Variants in CUL5 observed in about 807,000 individuals in gnomAD.
CUL5 encodes the protein cullin 5.
Under a neutral mutation model 108.8 loss-of-function variants are expected in CUL5, and 26 were observed. The observed-to-expected ratio is 0.24, with a 90% CI of 0.18 to 0.33. CUL5 has a LOEUF of 0.33. Ranked by LOEUF, CUL5 falls within the 10% of genes least tolerant of loss-of-function variation. The pLI, the probability that CUL5 is intolerant of heterozygous loss-of-function variation, is 1.00. For missense variants in CUL5, 524 were observed against 909.2 expected (o/e 0.58, Z 5.45); for synonymous variants, 334 against 298.0 (o/e 1.12, Z -1.25).
At chr11:108,045,620 T>C (rs1863046611) in intron 2 of CUL5, among the ~76,000 whole-genome samples, 1 of 151,592 alleles carries the variant, frequency 6.6e-6, no homozygotes, top group Non-Finnish European at 1.5e-5. Context: ...TCCAGCACTT[T>C]GGAGACTGAG....
At chr11:108,081,526 G>A (rs1256506912) in intron 11 of CUL5, among the ~76,000 whole-genome samples, 2 of 152,034 alleles carry the variant, frequency 1.3e-5, no homozygotes, top group East Asian at 3.9e-4. Flanking sequence ...GCCGAGGCGG[G>A]CAGATCACAA....
intron 1 of CUL5, among the ~76,000 whole-genome samples, chr11:108,010,753 T>C (rs754602438): frequency 1.2e-4 from 19 of 152,214 alleles, no homozygotes; most frequent in Non-Finnish European, 2.1e-4. Flanking sequence ...CATCCCACTC[T>C]GCTTTTCTCT....
intron 5 of CUL5, 24 bp downstream of exon 5, chr11:108,052,825 A>G (rs751781080): frequency 1.3e-6 from 2 of 1,579,830 alleles, no homozygotes; most frequent in East Asian, 2.3e-5. Flanking sequence ...TTTTATGATC[A>G]TAATTTCTGT....
At chr11:108,062,223 A>G (rs1440019124) in intron 7 of CUL5, among the ~76,000 whole-genome samples, 2 of 150,462 alleles carry the variant, frequency 1.3e-5, no homozygotes, top group Non-Finnish European at 3.0e-5. Context: ...AAATACCTCT[A>G]TCTTTTTAAC....
chr11:108,028,897 T>C (rs754638416), intron 1 of CUL5, among the ~76,000 whole-genome samples: 1 of 152,210 alleles, frequency 6.6e-6, no homozygotes, highest in Non-Finnish European at 1.5e-5. Flanking sequence ...ATCTCACTTA[T>C]AGTAGAAACC....
At chr11:108,066,883 A>G (rs1013555456) in intron 7 of CUL5, among the ~76,000 whole-genome samples, 2 of 152,198 alleles carry the variant, frequency 1.3e-5, no homozygotes, top group African/African-American at 4.8e-5. Context: ...GTTTTTAGGT[A>G]TATAGTTTAT....
chr11:108,100,558 AAAAC>A (rs780729458), intron 18 of CUL5, among the ~76,000 whole-genome samples: 88 of 152,218 alleles, frequency 5.8e-4, no homozygotes, highest in Non-Finnish European at 1.0e-3. Flanking sequence ...AAAGCAAACA[AAAAC>A]AAACAAAAAA....
At chr11:108,047,358 AAGGCTAGGCT>A (rs1300855153) in intron 3 of CUL5, among the ~76,000 whole-genome samples, 1 of 152,162 alleles carries the variant, frequency 6.6e-6, no homozygotes, top group South Asian at 2.1e-4. Context: ...TGATGGCTAG[AAGGCTAGGCT>A]AGAATTTCTT....
At chr11:108,096,567 T>G (rs903582035) in intron 16 of CUL5, among the ~76,000 whole-genome samples, 1 of 106,250 alleles carries the variant, frequency 9.4e-6, no homozygotes, top group East Asian at 3.5e-4. Flanking sequence ...CTATGTACTT[T>G]TTTTTTTTTT....
intron 6 of CUL5, 32 bp downstream of exon 6, chr11:108,054,824 G>T: frequency 1.2e-6 from 2 of 1,602,044 alleles, no homozygotes; most frequent in South Asian, 2.3e-5. Context: ...GTGATAATTT[G>T]AGCAATTCCC....
At chr11:108,013,927 T>C (rs1045249601) in intron 1 of CUL5, among the ~76,000 whole-genome samples, 1 of 152,186 alleles carries the variant, frequency 6.6e-6, no homozygotes, top group Admixed American at 6.5e-5. Context: ...GTAAAAGTTA[T>C]TCATTATTAA....
At chr11:108,019,793 A>G (rs951113154) in intron 1 of CUL5, among the ~76,000 whole-genome samples, 1 of 152,150 alleles carries the variant, frequency 6.6e-6, no homozygotes, top group African/African-American at 2.4e-5. Flanking sequence ...TTGTGTTGCT[A>G]TAAAGGAATA....
intron 7 of CUL5, among the ~76,000 whole-genome samples, chr11:108,066,845 C>T (rs1267922404): frequency 6.6e-6 from 1 of 152,214 alleles, no homozygotes; most frequent in Non-Finnish European, 1.5e-5. Context: ...TCTTTTCATA[C>T]ACATCTGTAC....
At chr11:108,091,161 C>G (rs1282060649) in intron 13 of CUL5, among the ~76,000 whole-genome samples, 1 of 151,976 alleles carries the variant, frequency 6.6e-6, no homozygotes, top group Non-Finnish European at 1.5e-5. Flanking sequence ...AAGCAATTCT[C>G]CTGTCTCAGC....
rs866579679 is a variant in CUL5 at position 108,045,310 on chromosome 11, T to A, written c.135-960T>A. On this transcript the variant is annotated intron_variant, in intron 2 of 18. Coordinates refer to ENST00000393094, the MANE Select transcript of CUL5 (RefSeq NM_003478.6). ...TTGTGATTTAAGTGACTAATTTTTT[T>A]AAAAAGACAAAATAGGCTGGCCCAC... Among the ~76,000 whole-genome samples the A allele has an allele frequency of 2.6e-5, 4 of 152,242 alleles. No individual in the cohort carries two copies. In the South Asian group the frequency reaches 8.3e-4, roughly 32 times the overall value.
chr11:108,071,974 T>G (rs1039829858), intron 8 of CUL5, among the ~76,000 whole-genome samples: 1 of 152,084 alleles, frequency 6.6e-6, no homozygotes, highest in Admixed American at 6.6e-5. Context: ...CCCCGAAGTT[T>G]GAGACCAGCT....
At chr11:108,028,237 T>G (rs1862497358) in intron 1 of CUL5, among the ~76,000 whole-genome samples, 1 of 152,246 alleles carries the variant, frequency 6.6e-6, no homozygotes, top group Admixed American at 6.5e-5. Flanking sequence ...CAAGCTTTCC[T>G]TAATAAGCCT....
intron 11 of CUL5, among the ~76,000 whole-genome samples, chr11:108,082,299 T>TA (rs1224676042): frequency 6.6e-6 from 1 of 151,276 alleles, no homozygotes; most frequent in African/African-American, 2.4e-5. Flanking sequence ...TTTTTTTTTT[T>TA]AAGACAGGGT....
At chr11:108,084,500 T>C (rs891813211) in intron 11 of CUL5, among the ~76,000 whole-genome samples, 3 of 152,230 alleles carry the variant, frequency 2.0e-5, no homozygotes, top group Non-Finnish European at 4.4e-5. Context: ...TTCGATTCAG[T>C]GGCTAACCCT....
Sources: gnomAD v4.1 joint callset for allele counts (sites outside exome capture counted in the v4.1 genomes callset) on GRCh38, gnomAD v4.1.1 for gene constraint, MANE v1.5 for transcripts, NCBI Gene and HGNC (gene_info 2026-07-23, HGNC 2026-07-21) for gene names.